GRID2: variants seen among roughly 807,000 people sequenced by gnomAD.
The protein encoded by GRID2 is glutamate receptor ionotropic, delta-2.
In GRID2, 33 loss-of-function variants were observed where a neutral mutation model predicts 114.8. The ratio of observed to expected loss-of-function variants is 0.29; its 90% CI spans 0.22 to 0.38. GRID2 has a LOEUF of 0.38. GRID2 is among the 10% of genes least tolerant of loss of function. The pLI is 1.00. For missense variants in GRID2, 1,184 were observed against 1,257.7 expected, an observed-to-expected ratio of 0.94 and a Z score of 0.89; for synonymous variants, 505 against 449.9, an observed-to-expected ratio of 1.12 and a Z score of -1.55.
At chr4:92,510,580 G>A (rs1041717800) in intron 1 of GRID2, among the ~76,000 whole-genome samples, 1 of 151,818 alleles carries the variant, frequency 6.6e-6, no homozygotes, top group African/African-American at 2.4e-5. Context: ...GAGGAAAGGA[G>A]AGGGGAAGAT....
intron 1 of GRID2, among the ~76,000 whole-genome samples, chr4:92,330,931 T>C (rs1465350007): frequency 6.6e-6 from 1 of 152,134 alleles, no homozygotes; most frequent in African/African-American, 2.4e-5. Context: ...GTGGTGTCCT[T>C]TAAAAGTATG....
intron 2 of GRID2, among the ~76,000 whole-genome samples, chr4:92,608,155 C>T (rs763874954): frequency 5.9e-5 from 9 of 151,912 alleles, no homozygotes; most frequent in Middle Eastern, 3.4e-3. Flanking sequence ...AAACATCATG[C>T]TGCAAGGACA....
intron 2 of GRID2, among the ~76,000 whole-genome samples, chr4:92,719,659 A>G (rs772046843): frequency 6.6e-5 from 10 of 152,168 alleles, no homozygotes; most frequent in Admixed American, 1.3e-4. Context: ...AGTAATGCAG[A>G]TAAGGTTTCT....
At chr4:92,449,878 A>G (rs1462670500) in intron 1 of GRID2, among the ~76,000 whole-genome samples, 1 of 151,598 alleles carries the variant, frequency 6.6e-6, no homozygotes, top group African/African-American at 2.4e-5. Flanking sequence ...CTGGAAAAGC[A>G]CCTTTATCAA....
intron 2 of GRID2, among the ~76,000 whole-genome samples, chr4:92,935,040 G>C (rs1750549875): frequency 6.8e-6 from 1 of 146,518 alleles, no homozygotes; most frequent in Non-Finnish European, 1.5e-5. Context: ...TGACAAATGG[G>C]ATCTAATTAA....
intron 2 of GRID2, among the ~76,000 whole-genome samples, chr4:92,989,543 G>C (rs907889023): frequency 2.0e-5 from 3 of 151,752 alleles, no homozygotes. Context: ...AGGTACGATA[G>C]GTTTTAAGCT....
intron 8 of GRID2, among the ~76,000 whole-genome samples, chr4:93,391,172 G>A (rs1764816898): frequency 6.6e-6 from 1 of 152,034 alleles, no homozygotes; most frequent in Admixed American, 6.6e-5. Flanking sequence ...TCTTGCAGGT[G>A]GAAATACCAT....
chr4:93,634,244 C>G (rs1165031822), intron 14 of GRID2, among the ~76,000 whole-genome samples: 9 of 151,394 alleles, frequency 5.9e-5, no homozygotes, highest in Admixed American at 5.9e-4. Flanking sequence ...AGGGAGAATT[C>G]AAAAATAAAT....
At chr4:92,488,353 T>C (rs929481861) in intron 1 of GRID2, among the ~76,000 whole-genome samples, 9 of 152,286 alleles carry the variant, frequency 5.9e-5, no homozygotes, top group African/African-American at 2.2e-4. Flanking sequence ...TTCCCCAGTA[T>C]GTCACTTTGA....
At chr4:93,375,529 T>C (rs1015119701) in intron 8 of GRID2, among the ~76,000 whole-genome samples, 1 of 152,018 alleles carries the variant, frequency 6.6e-6, no homozygotes, top group East Asian at 1.9e-4. Context: ...TTCACTGTGA[T>C]GTTGTGTAGG....
At chr4:92,979,852 T>C (rs530976451) in intron 2 of GRID2, among the ~76,000 whole-genome samples, 1 of 152,130 alleles carries the variant, frequency 6.6e-6, no homozygotes, top group Non-Finnish European at 1.5e-5. Context: ...CTGGCACTTA[T>C]AAAAAAGCCA....
chr4:92,589,077 G>C (rs141302702), intron 1 of GRID2, among the ~76,000 whole-genome samples: 1 of 152,284 alleles, frequency 6.6e-6, no homozygotes, highest in African/African-American at 2.4e-5. Context: ...TTGCACTCTA[G>C]CCTAGGCGAC....
At chr4:92,574,365 C>T (rs1727780610) in intron 1 of GRID2, among the ~76,000 whole-genome samples, 1 of 149,406 alleles carries the variant, frequency 6.7e-6, no homozygotes, top group Non-Finnish European at 1.5e-5. Context: ...TTATTTTGTA[C>T]ACATGTTTAT....
At chr4:92,891,255 C>CA (rs1298497135) in intron 2 of GRID2, among the ~76,000 whole-genome samples, 1 of 151,706 alleles carries the variant, frequency 6.6e-6, no homozygotes, top group Non-Finnish European at 1.5e-5. Context: ...TCCCAGAACT[C>CA]AAACTATAAG....
intron 2 of GRID2, among the ~76,000 whole-genome samples, chr4:92,979,624 C>T (rs769585448): frequency 2.6e-5 from 4 of 152,002 alleles, no homozygotes; most frequent in African/African-American, 9.7e-5. Flanking sequence ...ACCTCATTTC[C>T]GATGTAATTC....
chr4:93,656,754 C>T (rs1391178575), intron 14 of GRID2, among the ~76,000 whole-genome samples: 1 of 123,824 alleles, frequency 8.1e-6, no homozygotes, highest in East Asian at 2.3e-4. Flanking sequence ...GCCGTGAACC[C>T]GGGAGGCAGA....
At chr4:92,355,238 G>A (rs981044524) in intron 1 of GRID2, among the ~76,000 whole-genome samples, 1 of 151,778 alleles carries the variant, frequency 6.6e-6, no homozygotes, top group Non-Finnish European at 1.5e-5. Context: ...AAGATACATA[G>A]CTCAGAATGG....
At position 93,517,811 on chromosome 4, in the gene GRID2, A is replaced by T. The variant is rs368810494; in HGVS notation, c.2193+2400A>T. ...ATTGATTTCTAATTTATACAGGCAG[A>T]TAAGACATCAGAGGTCTTTTAGGTC... On this transcript the variant is annotated intron_variant, in intron 13 of 15. Coordinates refer to ENST00000282020, the MANE Select transcript of GRID2 (RefSeq NM_001510.4). Among the ~76,000 whole-genome samples the T allele has an allele frequency of 3.3e-5, 5 of 151,752 alleles. 1 individual carries two copies. Among genetic ancestry groups the T allele is most frequent in the African/African-American group, 1.2e-4 (5 of 41,466 alleles).
At chr4:92,728,780 A>G (rs557328231) in intron 2 of GRID2, among the ~76,000 whole-genome samples, 1 of 152,126 alleles carries the variant, frequency 6.6e-6, no homozygotes, top group Non-Finnish European at 1.5e-5. Context: ...TTTGGAGCTT[A>G]TCATAATGTT....
Sources: gnomAD v4.1 joint callset for allele counts (sites outside exome capture counted in the v4.1 genomes callset) on GRCh38, gnomAD v4.1.1 for gene constraint, MANE v1.5 for transcripts, NCBI Gene and HGNC (gene_info 2026-07-23, HGNC 2026-07-21) for gene names.